IGFL4: variants seen among roughly 807,000 people sequenced by gnomAD.
IGFL4 encodes IGF like family member 4, also known as insulin growth factor-like family member 4.
In IGFL4, 12 loss-of-function variants were observed where a neutral mutation model predicts 15.4. That is an observed-to-expected ratio of 0.78 (90% CI 0.50 to 1.26). The LOEUF (loss-of-function observed/expected upper bound fraction) is 1.26. Ranked by LOEUF, IGFL4 falls within the 50% of genes most tolerant of loss-of-function variation. The pLI is 0.00. For synonymous variants in IGFL4, 54 were observed against 55.9 expected (o/e 0.97, Z 0.16); for missense variants, 126 against 147.8 (o/e 0.85, Z 0.76).
chr19:46,064,294 T>C (rs1198544981), intron 1 of IGFL4, among the ~76,000 whole-genome samples: 1 of 152,194 alleles, frequency 6.6e-6, no homozygotes, highest in African/African-American at 2.4e-5. Flanking sequence ...ATTTATCCTT[T>C]GTGTTACAAA....
At chr19:46,041,837 C>CTTTTTTT (rs11334515), upstream of IGFL4, among the ~76,000 whole-genome samples, 16 of 109,864 alleles carry the variant, frequency 1.5e-4, no homozygotes, top group African/African-American at 5.4e-4. Context: ...TCCTCTCTCT[C>CTTTTTTT]TTTTTTTTTT....
At chr19:46,070,760 T>C (rs1969538328) in intron 1 of IGFL4, among the ~76,000 whole-genome samples, 2 of 152,218 alleles carry the variant, frequency 1.3e-5, no homozygotes, top group African/African-American at 2.4e-5. Flanking sequence ...CGGCAGTTCA[T>C]GGAGCCAGAA....
chr19:46,058,774 T>C (rs1313718326), intron 2 of IGFL4: 1 of 152,252 alleles, frequency 6.6e-6, no homozygotes, highest in Non-Finnish European at 1.5e-5. Flanking sequence ...TTTCAAGCCA[T>C]GGCCCCAGCT....
chr19:46,072,012 G>C (rs910101910), intron 1 of IGFL4, among the ~76,000 whole-genome samples: 1 of 152,176 alleles, frequency 6.6e-6, no homozygotes, highest in African/African-American at 2.4e-5. Flanking sequence ...TACAGAGTGA[G>C]ACCCTGTCTC....
intron 2 of IGFL4, among the ~76,000 whole-genome samples, chr19:46,050,153 A>T (rs151301570): frequency 6.6e-6 from 1 of 152,216 alleles, no homozygotes; most frequent in Admixed American, 6.5e-5. Flanking sequence ...TCTGGGACAA[A>T]AGAATCTGAA....
chr19:46,041,837 CTTTTTTT>C (rs11334515), upstream of IGFL4, among the ~76,000 whole-genome samples: 1 of 109,870 alleles, frequency 9.1e-6, no homozygotes, highest in African/African-American at 3.4e-5. Flanking sequence ...TCCTCTCTCT[CTTTTTTT>C]TTTTTTTTTT....
At chr19:46,065,231 A>G (rs1167793513) in intron 1 of IGFL4, among the ~76,000 whole-genome samples, 1 of 39,966 alleles carries the variant, frequency 2.5e-5, no homozygotes, top group Non-Finnish European at 5.1e-5. Context: ...ATTTTTCATC[A>G]TATGGGTTTG....
At chr19:46,054,015 A>G (rs1273814267) in intron 2 of IGFL4, among the ~76,000 whole-genome samples, 1 of 152,166 alleles carries the variant, frequency 6.6e-6, no homozygotes, top group Non-Finnish European at 1.5e-5. Flanking sequence ...TATTCTGGAT[A>G]TTAATGCCTA....
At chr19:46,057,650 A>G (rs1969405397) in intron 2 of IGFL4, 2 of 152,174 alleles carry the variant, frequency 1.3e-5, no homozygotes, top group African/African-American at 4.8e-5. Flanking sequence ...CATGCTGCCA[A>G]TAAAGACACA....
chr19:46,069,317 C>T lies in IGFL4; in HGVS notation c.-432+7703G>A, dbSNP rs146524800. 7.9e-5 allele frequency among the ~76,000 whole-genome samples: 12 copies of T among 152,286 alleles called. No homozygotes were observed. The East Asian group carries it at 2.1e-3, about 27-fold the overall frequency. ...CTCTGTATTCTTCTCTCTCATCTGA[C>T]TGACTTTTCTCACTCAATTTTCAAA... On this transcript the variant is annotated intron_variant, in intron 1 of 5. Transcript: ENST00000601672.
intron 2 of IGFL4, among the ~76,000 whole-genome samples, chr19:46,047,017 G>A (rs1323575645): frequency 2.0e-5 from 3 of 152,062 alleles, no homozygotes; most frequent in Non-Finnish European, 4.4e-5. Flanking sequence ...AACACTCCTC[G>A]CAAAAGCAAA....
chr19:46,040,147 A>C lies in IGFL4; in HGVS notation c.330+10T>G, dbSNP rs916103598. 3 of 1,613,104 alleles carry C rather than the reference A, an allele frequency of 1.9e-6. No homozygotes were observed. The highest frequency in any genetic ancestry group is 1.7e-6 in the Non-Finnish European group (2 of 1,179,730). ...CCCTCCCACAGCCTGGACTGGAGTC[A>C]GATCCTTACCTGGGCACAGATCCTG... is the stretch of plus-strand genomic sequence containing the variant. On this transcript the variant is annotated intron_variant, in intron 3 of 3. Coordinates refer to ENST00000377697, the MANE Select transcript of IGFL4 (RefSeq NM_001002923.3). This position sits in a 1 kb window ranked among gnomAD's most constrained non-coding sequence, Gnocchi z 4.1.
At chr19:46,073,000 G>T (rs1455470275) in intron 1 of IGFL4, among the ~76,000 whole-genome samples, 1 of 152,194 alleles carries the variant, frequency 6.6e-6, no homozygotes, top group African/African-American at 2.4e-5. Flanking sequence ...GCACAAAGGA[G>T]ACATTATCAA....
At chr19:46,046,166 T>A (rs1969295815) in intron 2 of IGFL4, among the ~76,000 whole-genome samples, 1 of 152,084 alleles carries the variant, frequency 6.6e-6, no homozygotes, top group South Asian at 2.1e-4. Flanking sequence ...AAACTAAGCT[T>A]CATAAGTGGA....
In IGFL4 at chr19:46,040,198, G is replaced by T. The variant is rs1186894392; in HGVS notation, c.289C>A (p.Pro97Thr). The T allele has an allele frequency of 6.2e-7, 1 of 1,614,122 alleles. No homozygotes were observed. The highest frequency in any genetic ancestry group is 8.5e-7 in the Non-Finnish European group (1 of 1,180,042). Residue 97 changes from proline (P) to threonine (T), a missense_variant, in exon 3 of 4, where the codon CCA becomes ACA. Coordinates refer to ENST00000377697, the MANE Select transcript of IGFL4 (RefSeq NM_001002923.3). The surrounding 1 kb of genome is among the most constrained non-coding windows in gnomAD (Gnocchi z 4.1). ...VVRFKVPGMK[P>T]DCKSSPITRI... ...GTGATAGGGGAGGACTTGCAATCTG[G>T]CTTCATGCCTGGGACCTTGAACCTC... is the stretch of plus-strand genomic sequence containing the variant.
intron 2 of IGFL4, among the ~76,000 whole-genome samples, chr19:46,051,931 A>T (rs996005164): frequency 6.6e-6 from 1 of 152,222 alleles, no homozygotes; most frequent in Non-Finnish European, 1.5e-5. Flanking sequence ...CTAACAAAAA[A>T]ATCACAGTTC....
chr19:46,062,606 A>C (rs542692796), intron 1 of IGFL4: 1 of 152,258 alleles, frequency 6.6e-6, no homozygotes, highest in East Asian at 1.9e-4. Context: ...ATCTTTCAAC[A>C]TGTGGTCTCT....
chr19:46,073,773 A>G (rs576441667), intron 1 of IGFL4, among the ~76,000 whole-genome samples: 3 of 152,274 alleles, frequency 2.0e-5, no homozygotes, highest in Admixed American at 6.5e-5. Context: ...AGGATCCTCA[A>G]TCCTGGATTA....
chr19:46,073,258 A>G (rs1162544674), intron 1 of IGFL4, among the ~76,000 whole-genome samples: 1 of 152,328 alleles, frequency 6.6e-6, no homozygotes, highest in Non-Finnish European at 1.5e-5. Flanking sequence ...TTTAAATGAT[A>G]CCTACAAAAT....
Sources: allele counts gnomAD v4.1 joint callset (sites outside exome capture counted in the v4.1 genomes callset), GRCh38; gene constraint gnomAD v4.1.1; non-coding constraint Gnocchi (gnomAD v3.1); transcripts MANE v1.5; gene names NCBI Gene and HGNC (gene_info 2026-07-23, HGNC 2026-07-21).